The following HIP1 variants were observed in gnomAD, a reference collection of about 807,000 sequenced individuals.
The protein encoded by HIP1 is huntingtin-interacting protein 1.
Under a neutral mutation model 147.6 loss-of-function variants are expected in HIP1, and 65 were observed. That is an observed-to-expected ratio of 0.44 (90% CI 0.36 to 0.54). The LOEUF (loss-of-function observed/expected upper bound fraction) is 0.54. Ranked by LOEUF, HIP1 falls within the 20% of genes least tolerant of loss-of-function variation. The probability of loss-of-function intolerance (pLI) is 0.00; values close to 1 mark genes in which losing one functional copy is unlikely to be tolerated. For missense variants in HIP1, 1,061 were observed against 1,299.6 expected (o/e 0.82, Z 2.82); for synonymous variants, 479 against 504.0 (o/e 0.95, Z 0.67).
intron 10 of HIP1, 43 bp from the exon 11 acceptor site, chr7:75,563,118 G>T: frequency 6.2e-7 from 1 of 1,614,028 alleles, no homozygotes; most frequent in Non-Finnish European, 8.5e-7. Flanking sequence ...TGCTTGCCAG[G>T]CCCCGCCGGC....
At chr7:75,722,581 A>C (rs1483077081) in intron 1 of HIP1, among the ~76,000 whole-genome samples, 1 of 152,108 alleles carries the variant, frequency 6.6e-6, no homozygotes, top group South Asian at 2.1e-4. Context: ...CATGAGCCTG[A>C]GTAAGTATCC....
In HIP1 at chr7:75,688,792, G is replaced by C. The variant is rs551919238; in HGVS notation, c.120+50009C>G. Among the ~76,000 whole-genome samples, 30 of 152,310 alleles carry C rather than the reference G, an allele frequency of 2.0e-4. No individual in the cohort carries two copies. In the East Asian group the frequency reaches 5.8e-3, roughly 29 times the overall value. Reference sequence around the variant, plus strand: ...AGCCTCCCCAGGAACCAGCAGCAGAGAGTGGCCCCGTGGCCCCGGCGTGTC... The same window carrying C: ...AGCCTCCCCAGGAACCAGCAGCAGACAGTGGCCCCGTGGCCCCGGCGTGTC... On this transcript the variant is annotated intron_variant, in intron 1 of 30. Coordinates refer to ENST00000336926, the MANE Select transcript of HIP1 (RefSeq NM_005338.7).
rs71098063 is a variant in HIP1 at position 75,682,018 on chromosome 7, C to CT, written c.120+56782dup. 4.0e-3 allele frequency among the ~76,000 whole-genome samples: 341 copies of CT among 84,224 alleles called. 13 individuals carry two copies. The highest frequency in any genetic ancestry group is 7.1e-3 in the African/African-American group (140 of 19,722). 55.3% of individuals were successfully genotyped at this position (84,224 alleles called of 152,430 possible). On this transcript the variant is annotated intron_variant, in intron 1 of 30. Transcript: ENST00000336926. Reference sequence around the variant, plus strand: ...AGCTATTTATCTAAGGCAACAACCTCTTTTTTTTTTTTTTTTTTTTTTTTT... The same window carrying CT: ...AGCTATTTATCTAAGGCAACAACCTCTTTTTTTTTTTTTTTTTTTTTTTTTT...
chr7:75,691,212 G>C (rs1262243214), intron 1 of HIP1, among the ~76,000 whole-genome samples: 2 of 152,210 alleles, frequency 1.3e-5, no homozygotes, highest in Admixed American at 1.3e-4. Flanking sequence ...AAAAGGGCCG[G>C]GCATGGTGGC....
chr7:75,661,905 T>C (rs1478739623), intron 1 of HIP1, among the ~76,000 whole-genome samples: 2 of 151,486 alleles, frequency 1.3e-5, no homozygotes, highest in African/African-American at 4.9e-5. Flanking sequence ...TGTGGAAAAA[T>C]CCAGAGGAGG....
chr7:75,639,192 C>A, intron 1 of HIP1: 1 of 981,154 alleles, frequency 1.0e-6, no homozygotes, highest in Admixed American at 6.3e-5. Flanking sequence ...CCCCGCGGAC[C>A]GGGGCAGGCG....
At chr7:75,655,777 G>A (rs1422607105) in intron 1 of HIP1, among the ~76,000 whole-genome samples, 2 of 152,186 alleles carry the variant, frequency 1.3e-5, no homozygotes, top group East Asian at 1.9e-4. Context: ...AGCAGTGATT[G>A]TTGTACAGCA....
At chr7:75,638,047 T>C (rs1027328703) in intron 1 of HIP1, among the ~76,000 whole-genome samples, 3 of 104,036 alleles carry the variant, frequency 2.9e-5, no homozygotes, top group Non-Finnish European at 5.2e-5. Context: ...CCACGACAGC[T>C]CCTTTCCTCG....
Position 75,568,401 on chromosome 7 carries a change from C to A in HIP1, c.746-145G>T. The A allele has an allele frequency of 1.5e-6, 1 of 664,376 alleles. No homozygotes were observed. Among genetic ancestry groups the A allele is most frequent in the South Asian group, 1.6e-5 (1 of 63,314 alleles). 41.2% of individuals were successfully genotyped at this position (664,376 alleles called of 1,614,324 possible). ...GGCCACGACTGGCCTAGAGCTGTCC[C>A]GAGGTCTGGTAACCAAGGGAGCCCA... On this transcript the variant is annotated intron_variant, in intron 8 of 30. Coordinates refer to ENST00000336926, the MANE Select transcript of HIP1 (RefSeq NM_005338.7). The surrounding 1 kb of genome is among the most constrained non-coding windows in gnomAD (Gnocchi z 4.1).
intron 9 of HIP1, 42 bp from the exon 10 acceptor site, chr7:75,563,305 TCAGCCCCATGTAGGGGACAGAG>T (rs1554494960): frequency 1.3e-6 from 2 of 1,583,096 alleles, no homozygotes; most frequent in South Asian, 2.2e-5. Context: ...GGTGTCTTCA[TCAGCCCCATGTAGGGGACAGAG>T]CAGCCACCTG....
chr7:75,670,301 C>A (rs1297795597), intron 1 of HIP1, among the ~76,000 whole-genome samples: 1 of 151,834 alleles, frequency 6.6e-6, no homozygotes, highest in Non-Finnish European at 1.5e-5. Flanking sequence ...CAGGCGCACA[C>A]CACCATGCCT....
rs782550232 is a variant in HIP1 at position 75,538,034 on chromosome 7, T to C, written c.*138A>G. The C allele has an allele frequency of 8.1e-6, 6 of 743,526 alleles. No homozygotes were observed. Among genetic ancestry groups the C allele is most frequent in the Non-Finnish European group, 1.5e-5 (6 of 403,738 alleles). The allele number at this position is 743,526 out of a possible 1,614,324, so 46.1% of individuals were successfully genotyped here. ...ATGGAGGGAGTCTTTGGAAGTGTCATGCATGTCCTCGGCACTGGGTAATGG... is the reference window on the plus strand; with the variant it reads ...ATGGAGGGAGTCTTTGGAAGTGTCACGCATGTCCTCGGCACTGGGTAATGG... On this transcript the variant is annotated 3_prime_UTR_variant, in exon 31 of 31. Coordinates refer to ENST00000336926, the MANE Select transcript of HIP1 (RefSeq NM_005338.7).
At chr7:75,710,227 T>A (rs1254077065) in intron 1 of HIP1, among the ~76,000 whole-genome samples, 1 of 152,130 alleles carries the variant, frequency 6.6e-6, no homozygotes, top group African/African-American at 2.4e-5. Context: ...GAAAGGGTGC[T>A]GGATTTTGTC....
At chr7:75,594,148 C>T (rs1290874097) in intron 2 of HIP1, among the ~76,000 whole-genome samples, 3 of 151,638 alleles carry the variant, frequency 2.0e-5, no homozygotes, top group Non-Finnish European at 4.4e-5. Context: ...AGTGTGGTGG[C>T]GCATGCCTGT....
chr7:75,606,856 C>T (rs1797243078), intron 1 of HIP1, among the ~76,000 whole-genome samples: 1 of 152,126 alleles, frequency 6.6e-6, no homozygotes. Flanking sequence ...CTACAACCTA[C>T]CAGTAGACAC....
intron 1 of HIP1, among the ~76,000 whole-genome samples, chr7:75,725,111 C>CCAT (rs1801613078): frequency 6.6e-6 from 1 of 152,052 alleles, no homozygotes; most frequent in African/African-American, 2.4e-5. Flanking sequence ...CTGCAGCCTC[C>CCAT]AACTTGGGCT....
At chr7:75,555,377 A>C in intron 19 of HIP1, 39 bp downstream of exon 19, 1 of 1,611,012 alleles carries the variant, frequency 6.2e-7, no homozygotes, top group South Asian at 1.1e-5. Context: ...TCAGGCTGTA[A>C]GGACCTGGCC....
intron 1 of HIP1, among the ~76,000 whole-genome samples, chr7:75,651,643 G>C (rs1181360494): frequency 4.6e-5 from 7 of 151,892 alleles, no homozygotes; most frequent in Non-Finnish European, 7.4e-5. Context: ...ATTCAGAGGA[G>C]GCCCTGGGCG....
chr7:75,579,933 G>A (rs1795978653), intron 7 of HIP1, among the ~76,000 whole-genome samples: 1 of 152,144 alleles, frequency 6.6e-6, no homozygotes, highest in African/African-American at 2.4e-5. Context: ...TCAGAACGCT[G>A]GTGCTTACAT....
Sources: gnomAD v4.1 joint callset for allele counts (sites outside exome capture counted in the v4.1 genomes callset) on GRCh38, gnomAD v4.1.1 for gene constraint, Gnocchi (gnomAD v3.1) non-coding constraint, MANE v1.5 for transcripts, NCBI Gene and HGNC (gene_info 2026-07-23, HGNC 2026-07-21) for gene names.